Variants in DOK5 observed in about 807,000 individuals in gnomAD.
DOK5 encodes the protein downstream of tyrosine kinase 5.
In DOK5, 27 loss-of-function variants were observed where a neutral mutation model predicts 43.3. The observed-to-expected ratio is 0.62, with a 90% CI of 0.46 to 0.86. DOK5 has a LOEUF of 0.86. Among genes scored for constraint, DOK5 ranks in the 40% least tolerant of loss-of-function variants. DOK5 has a pLI of 0.00. For missense variants in DOK5, 373 were observed against 392.9 expected (o/e 0.95, Z 0.43); for synonymous variants, 146 against 140.1 (o/e 1.04, Z -0.30).
At chr20:54,573,745 A>T (rs573029536) in intron 2 of DOK5, among the ~76,000 whole-genome samples, 1 of 151,634 alleles carries the variant, frequency 6.6e-6, no homozygotes, top group Non-Finnish European at 1.5e-5. Context: ...ACTTCATTTC[A>T]GTAGAGTGTC....
chr20:54,643,415 C>T (rs746037328), intron 6 of DOK5, 43 bp from the exon 7 acceptor site: 3 of 1,606,504 alleles, frequency 1.9e-6, no homozygotes, highest in East Asian at 2.2e-5. Context: ...CCACTTTCGG[C>T]CCCAGTGTTG....
At chr20:54,604,644 A>C (rs1463094738) in intron 5 of DOK5, among the ~76,000 whole-genome samples, 1 of 152,200 alleles carries the variant, frequency 6.6e-6, no homozygotes, top group Non-Finnish European at 1.5e-5. Flanking sequence ...TTGTAAATGT[A>C]AAATACAACA....
chr20:54,499,184 G>C (rs1238985939), intron 1 of DOK5, among the ~76,000 whole-genome samples: 2 of 152,188 alleles, frequency 1.3e-5, no homozygotes, highest in Admixed American at 6.5e-5. Context: ...AAACATTGCT[G>C]TTACTCCCTT....
chr20:54,534,096 G>T (rs1212609602), intron 1 of DOK5, among the ~76,000 whole-genome samples: 1 of 152,218 alleles, frequency 6.6e-6, no homozygotes, highest in East Asian at 1.9e-4. Context: ...AACATGGATG[G>T]TGGTAAAGAT....
intron 7 of DOK5, among the ~76,000 whole-genome samples, chr20:54,645,724 A>C (rs1402191600): frequency 6.6e-6 from 1 of 152,078 alleles, no homozygotes; most frequent in African/African-American, 2.4e-5. Flanking sequence ...CTCTCCCAGG[A>C]AGCAATAATG....
chr20:54,603,224 A>G (rs974875434), intron 5 of DOK5, among the ~76,000 whole-genome samples: 2 of 152,238 alleles, frequency 1.3e-5, no homozygotes, highest in African/African-American at 4.8e-5. Context: ...TCTCACATCA[A>G]TTCCCATTTC....
chr20:54,592,999 A>G (rs939968113), intron 5 of DOK5, among the ~76,000 whole-genome samples: 3 of 152,212 alleles, frequency 2.0e-5, no homozygotes, highest in African/African-American at 7.2e-5. Flanking sequence ...ATGACTCTTG[A>G]TATAAGGAAA....
At chr20:54,485,263 G>A (rs536666440) in intron 1 of DOK5, among the ~76,000 whole-genome samples, 1 of 151,234 alleles carries the variant, frequency 6.6e-6, no homozygotes, top group East Asian at 1.9e-4. Flanking sequence ...TGCAGTGAGC[G>A]GCGGAGGTTG....
chr20:54,556,303 T>C (rs980075014), intron 2 of DOK5, among the ~76,000 whole-genome samples: 1 of 152,230 alleles, frequency 6.6e-6, no homozygotes, highest in Admixed American at 6.5e-5. Context: ...AGATTTCCTC[T>C]ATCATTTATC....
At chr20:54,587,114 A>G (rs1985829449) in intron 2 of DOK5, among the ~76,000 whole-genome samples, 1 of 152,218 alleles carries the variant, frequency 6.6e-6, no homozygotes, top group African/African-American at 2.4e-5. Context: ...GAATTGGGGT[A>G]GTGGCAAAAA....
chr20:54,606,317 A>G (rs1986466554), intron 5 of DOK5, among the ~76,000 whole-genome samples: 1 of 152,120 alleles, frequency 6.6e-6, no homozygotes, highest in Non-Finnish European at 1.5e-5. Context: ...ACTGGTTTCC[A>G]TTAATGTACG....
intron 5 of DOK5, among the ~76,000 whole-genome samples, chr20:54,608,895 G>A (rs569420346): frequency 5.9e-5 from 9 of 152,084 alleles, no homozygotes; most frequent in African/African-American, 1.7e-4. Flanking sequence ...AGCTGGTCTC[G>A]AACTCCTGAC....
chr20:54,592,579 A>G (rs1401777268), intron 5 of DOK5, among the ~76,000 whole-genome samples: 9 of 148,256 alleles, frequency 6.1e-5, no homozygotes, highest in Non-Finnish European at 1.3e-4. Flanking sequence ...TCGCTCTGTC[A>G]CCCAGGCTGG....
intron 2 of DOK5, among the ~76,000 whole-genome samples, chr20:54,574,595 G>T (rs1653196535): frequency 6.6e-6 from 1 of 152,082 alleles, no homozygotes; most frequent in African/African-American, 2.4e-5. Flanking sequence ...ACACATTTTT[G>T]AAATTAAATT....
intron 7 of DOK5, among the ~76,000 whole-genome samples, chr20:54,647,333 C>A (rs2146836160): frequency 6.6e-6 from 1 of 151,950 alleles, no homozygotes; most frequent in Admixed American, 6.6e-5. Flanking sequence ...GGTGAAACCC[C>A]ACCTCTACTA....
At chr20:54,616,698 C>G (rs553679403) in intron 6 of DOK5, among the ~76,000 whole-genome samples, 1 of 151,496 alleles carries the variant, frequency 6.6e-6, no homozygotes, top group African/African-American at 2.4e-5. Flanking sequence ...CAGTTTTTCA[C>G]AAGCCTGTAA....
chr20:54,533,431 G>A (rs895874002), intron 1 of DOK5, among the ~76,000 whole-genome samples: 1 of 152,096 alleles, frequency 6.6e-6, no homozygotes, highest in Non-Finnish European at 1.5e-5. Flanking sequence ...CCATTTCACA[G>A]CATTTCAATA....
intron 6 of DOK5, among the ~76,000 whole-genome samples, chr20:54,641,219 A>T (rs1979095479): frequency 6.6e-6 from 1 of 152,204 alleles, no homozygotes; most frequent in Admixed American, 6.5e-5. Flanking sequence ...ATCCTGTGTG[A>T]TTCCACTTGG....
chr20:54,596,594 T>C (rs1415457864), intron 5 of DOK5, among the ~76,000 whole-genome samples: 2 of 152,214 alleles, frequency 1.3e-5, no homozygotes, highest in African/African-American at 4.8e-5. Context: ...CGTGGATATG[T>C]CACTTAACTC....
Sources: gnomAD v4.1 joint callset for allele counts (sites outside exome capture counted in the v4.1 genomes callset) on GRCh38, gnomAD v4.1.1 for gene constraint, MANE v1.5 for transcripts, NCBI Gene and HGNC (gene_info 2026-07-23, HGNC 2026-07-21) for gene names.